Variants in ZNF385D observed in about 807,000 individuals in gnomAD.
ZNF385D encodes zinc finger protein 385D.
A neutral mutation model predicts 35.8 loss-of-function variants in ZNF385D; 15 were observed. That is an observed-to-expected ratio of 0.42 (90% CI 0.28 to 0.64). The LOEUF is 0.64. Among genes scored for constraint, ZNF385D ranks in the 30% least tolerant of loss-of-function variants. The pLI, the probability that ZNF385D is intolerant of heterozygous loss-of-function variation, is 0.23. For synonymous variants in ZNF385D, 212 were observed against 186.8 expected (o/e 1.13, Z -1.10); for missense variants, 474 against 494.6 (o/e 0.96, Z 0.39).
At chr3:22,278,377 A>G (rs896723120) in intron 2 of ZNF385D, among the ~76,000 whole-genome samples, 2 of 152,066 alleles carry the variant, frequency 1.3e-5, no homozygotes, top group African/African-American at 2.4e-5. Flanking sequence ...TGATTCATTG[A>G]ATAATCTGAG....
intron 2 of ZNF385D, among the ~76,000 whole-genome samples, chr3:22,213,762 A>ATGAT (rs1379368196): frequency 6.6e-6 from 1 of 152,082 alleles, no homozygotes; most frequent in Non-Finnish European, 1.5e-5. Flanking sequence ...CTATCTCATC[A>ATGAT]GCACACCAGA....
chr3:22,124,779 A>G (rs1365638608), intron 3 of ZNF385D, among the ~76,000 whole-genome samples: 2 of 152,130 alleles, frequency 1.3e-5, no homozygotes, highest in East Asian at 1.9e-4. Flanking sequence ...ATTTTATCCT[A>G]TAGAGTTGTT....
In ZNF385D at chr3:21,600,800, G is replaced by C. The variant is rs556583727; in HGVS notation, c.166-36116C>G. Among the ~76,000 whole-genome samples, 3 of 152,058 alleles carry C rather than the reference G, an allele frequency of 2.0e-5. No homozygotes were observed. The East Asian group carries it at 5.8e-4, about 29-fold the overall frequency. The stretch of plus-strand genomic sequence containing the variant: ...CTGATGAATATCCAAAAGAAAAAAA[G>C]CTCTGAGAAATTATAAATATGAGAG... On this transcript the variant is annotated intron_variant, in intron 2 of 7. Coordinates refer to ENST00000281523, the MANE Select transcript of ZNF385D (RefSeq NM_024697.3).
At chr3:21,444,624 T>C (rs4857999) in intron 4 of ZNF385D, among the ~76,000 whole-genome samples, 50,192 of 151,532 alleles carry the variant, frequency 0.33, 10,212 homozygotes, top group African/African-American at 0.57. Context: ...TGACCTCAAA[T>C]GACCCTCCCA....
chr3:22,331,677 A>G (rs990387526), intron 2 of ZNF385D, among the ~76,000 whole-genome samples: 2 of 152,146 alleles, frequency 1.3e-5, no homozygotes, highest in African/African-American at 4.8e-5. Flanking sequence ...AGAAATAAGG[A>G]CTAAATTTGT....
intron 2 of ZNF385D, among the ~76,000 whole-genome samples, chr3:22,236,559 T>C (rs1430337684): frequency 6.6e-6 from 1 of 152,196 alleles, no homozygotes; most frequent in Non-Finnish European, 1.5e-5. Flanking sequence ...AATATTAAGA[T>C]ATAATCACTT....
chr3:22,178,100 A>G (rs942291516), intron 2 of ZNF385D, among the ~76,000 whole-genome samples: 2 of 152,234 alleles, frequency 1.3e-5, no homozygotes, highest in African/African-American at 4.8e-5. Context: ...GTATATACCC[A>G]GTAATGGGAT....
intron 2 of ZNF385D, among the ~76,000 whole-genome samples, chr3:22,244,385 AAAAAAAAT>A (rs931227924): frequency 2.0e-5 from 3 of 149,134 alleles, no homozygotes; most frequent in Non-Finnish European, 3.0e-5. Flanking sequence ...AAAAAAAAAA[AAAAAAAAT>A]GAAAACATAA....
At chr3:21,846,188 T>C (rs998365345) in intron 3 of ZNF385D, among the ~76,000 whole-genome samples, 4 of 152,122 alleles carry the variant, frequency 2.6e-5, no homozygotes, top group Admixed American at 2.0e-4. Context: ...CAGGCCAACA[T>C]GGTAGAGTGA....
intron 1 of ZNF385D, among the ~76,000 whole-genome samples, chr3:21,732,417 T>A (rs1174037385): frequency 6.6e-6 from 1 of 152,120 alleles, no homozygotes; most frequent in African/African-American, 2.4e-5. Flanking sequence ...GAAAGATGAT[T>A]CCTGGATCAT....
rs1264726124 is a variant in ZNF385D, at chr3:21,946,061, T to TGC, written c.325+222754_325+222755dup. ...CAAACTAGCTGATTTAGCTGACCGC[T>TGC]GCTCAGGTCATGGATCAATTCACCA... On this transcript the variant is annotated intron_variant, in intron 3 of 5. Transcript: ENST00000494108. Among the ~76,000 whole-genome samples, 5 of 152,328 alleles carry TGC rather than the reference T, an allele frequency of 3.3e-5. No homozygotes were observed. The East Asian group carries it at 9.7e-4, about 29-fold the overall frequency.
chr3:22,064,491 G>A (rs1699834004), intron 3 of ZNF385D, among the ~76,000 whole-genome samples: 1 of 152,114 alleles, frequency 6.6e-6, no homozygotes, highest in Non-Finnish European at 1.5e-5. Flanking sequence ...GTATTCCTAT[G>A]TTCCTTGCAG....
chr3:21,467,923 A>C (rs1703619794), intron 4 of ZNF385D, among the ~76,000 whole-genome samples: 1 of 152,164 alleles, frequency 6.6e-6, no homozygotes, highest in Non-Finnish European at 1.5e-5. Flanking sequence ...CTAAAATATA[A>C]AAGAATGATA....
At chr3:22,000,676 G>A (rs1390985212) in intron 3 of ZNF385D, among the ~76,000 whole-genome samples, 1 of 151,518 alleles carries the variant, frequency 6.6e-6, no homozygotes, top group African/African-American at 2.4e-5. Context: ...AAATATGAAA[G>A]AACCTCCAAC....
intron 2 of ZNF385D, among the ~76,000 whole-genome samples, chr3:21,654,467 A>G (rs1359273219): frequency 3.9e-5 from 6 of 152,010 alleles, no homozygotes; most frequent in Non-Finnish European, 7.4e-5. Flanking sequence ...TTTCAGTAAC[A>G]ATGTTCTTGT....
At chr3:21,435,773 C>T (rs564347427) in intron 5 of ZNF385D, among the ~76,000 whole-genome samples, 3 of 152,316 alleles carry the variant, frequency 2.0e-5, no homozygotes, top group African/African-American at 7.2e-5. Flanking sequence ...CATGGAAAAT[C>T]TGCAAGGTAT....
intron 2 of ZNF385D, among the ~76,000 whole-genome samples, chr3:21,661,909 CAAT>C (rs2066249461): frequency 6.6e-6 from 1 of 152,094 alleles, no homozygotes; most frequent in Non-Finnish European, 1.5e-5. Flanking sequence ...TTGTGGAAGA[CAAT>C]AATAAGAGAT....
At chr3:21,788,204 C>T (rs1353092250) in intron 3 of ZNF385D, among the ~76,000 whole-genome samples, 1 of 152,112 alleles carries the variant, frequency 6.6e-6, no homozygotes, top group Non-Finnish European at 1.5e-5. Context: ...ATGGGGCGGG[C>T]GCAGTGGCTC....
intron 2 of ZNF385D, among the ~76,000 whole-genome samples, chr3:22,312,206 A>T (rs1703598468): frequency 1.3e-5 from 2 of 152,168 alleles, no homozygotes; most frequent in South Asian, 4.1e-4. Flanking sequence ...CTGTTCTGAT[A>T]ATCATCTTCC....
Sources: allele counts gnomAD v4.1 joint callset (sites outside exome capture counted in the v4.1 genomes callset), GRCh38; gene constraint gnomAD v4.1.1; transcripts MANE v1.5; gene names NCBI Gene and HGNC (gene_info 2026-07-23, HGNC 2026-07-21).